Variants in GRIK4 observed in about 807,000 individuals in gnomAD.
GRIK4 encodes the protein glutamate ionotropic receptor kainate type subunit 4, also known as glutamate receptor ionotropic, kainate 4.
GRIK4 carries 40 observed loss-of-function variants against 104.9 expected under a neutral mutation model. That is an observed-to-expected ratio of 0.38 (90% CI 0.30 to 0.50). The LOEUF is 0.50. GRIK4 is among the 20% of genes least tolerant of loss of function. GRIK4 has a pLI of 0.93. For synonymous variants in GRIK4, 485 were observed against 524.9 expected (o/e 0.92, Z 1.04); for missense variants, 1,047 against 1,308.1 (o/e 0.80, Z 3.08).
At chr11:120,522,773 A>T (rs1162238615) in intron 1 of GRIK4, among the ~76,000 whole-genome samples, 1 of 152,198 alleles carries the variant, frequency 6.6e-6, no homozygotes, top group Non-Finnish European at 1.5e-5. Flanking sequence ...CTGGCCAGGA[A>T]GACAACAGCC....
At chr11:120,983,527 C>T (rs1944687375) in intron 20 of GRIK4, among the ~76,000 whole-genome samples, 1 of 152,228 alleles carries the variant, frequency 6.6e-6, no homozygotes, top group African/African-American at 2.4e-5. Flanking sequence ...AATCCCTCTT[C>T]CCTTGCCTTG....
In GRIK4 at chr11:120,639,527, G is replaced by A. The variant is rs144775576; in HGVS notation, c.-158-14158G>A. Among the ~76,000 whole-genome samples, 114 of 152,218 alleles carry A rather than the reference G, an allele frequency of 7.5e-4. 1 individual carries two copies. In the East Asian group the frequency reaches 0.012, roughly 16 times the overall value. On this transcript the variant is annotated intron_variant, in intron 1 of 20. Transcript: ENST00000527524. ...TCTCGCAGTCTCTCCTCTTGGGGTC[G>A]GCCCCTGTCTCAGTAAGTGACTCCA...
At chr11:120,602,741 C>T (rs139831408) in intron 1 of GRIK4, among the ~76,000 whole-genome samples, 2,311 of 152,280 alleles carry the variant, frequency 0.015, 28 homozygotes, top group Middle Eastern at 0.037. Flanking sequence ...CTCGCTCTGT[C>T]GTCCAGGCTG....
At chr11:120,667,806 G>A (rs1009366917) in intron 3 of GRIK4, among the ~76,000 whole-genome samples, 1 of 152,232 alleles carries the variant, frequency 6.6e-6, no homozygotes, top group Non-Finnish European at 1.5e-5. Context: ...GCACGCAGTG[G>A]CAAACACAGT....
At chr11:120,836,439 A>G (rs1953576957) in intron 7 of GRIK4, among the ~76,000 whole-genome samples, 1 of 152,136 alleles carries the variant, frequency 6.6e-6, no homozygotes, top group African/African-American at 2.4e-5. Flanking sequence ...GGAGATCATT[A>G]TTGTAGTCTT....
intron 9 of GRIK4, chr11:120,873,378 G>A (rs1954667728): frequency 6.6e-6 from 1 of 152,274 alleles, no homozygotes; most frequent in African/African-American, 2.4e-5. Flanking sequence ...CCAACCAGAT[G>A]TTTCCCTCTT....
Position 120,967,211 on chromosome 11 carries a change from C to G in GRIK4, c.2283C>G (p.Asp761Glu). ...CCCCCGCAGGCTCGGTTTTCCGGGA[C>G]GAGTTTGATCTGGCCATTCTCCAGC... ...IGMPVGSVFR[D>E]EFDLAILQLQ... Residue 761 changes from aspartate to glutamate, a missense_variant, in exon 19 of 21, where the codon GAC (aspartate) becomes GAG (glutamate). Asp to Glu is a conservative substitution (Grantham distance 45, BLOSUM62 2). Around this residue, in one of 3 missense-constraint regions of GRIK4, gnomAD observed 440 missense variants for 652.3 expected, o/e 0.67. Coordinates refer to ENST00000527524, the MANE Select transcript of GRIK4 (RefSeq NM_014619.5). This position sits in a 1 kb window ranked among gnomAD's most constrained non-coding sequence, Gnocchi z 4.2. 3 of 1,613,190 alleles carry G rather than the reference C, an allele frequency of 1.9e-6. No individual in the cohort carries two copies. The highest frequency in any genetic ancestry group is 2.5e-6 in the Non-Finnish European group (3 of 1,179,528).
intron 1 of GRIK4, among the ~76,000 whole-genome samples, chr11:120,516,171 T>TG (rs1005185603): frequency 6.6e-6 from 1 of 152,132 alleles, no homozygotes; most frequent in Non-Finnish European, 1.5e-5. Flanking sequence ...GTCCCCTGTT[T>TG]GGGGGGTGGG....
At chr11:120,767,850 T>C (rs1951866691) in intron 3 of GRIK4, among the ~76,000 whole-genome samples, 1 of 152,210 alleles carries the variant, frequency 6.6e-6, no homozygotes, top group Non-Finnish European at 1.5e-5. Context: ...AAAAATCAGT[T>C]GACTGTTTAT....
intron 11 of GRIK4, among the ~76,000 whole-genome samples, chr11:120,882,173 C>A (rs1218742645): frequency 1.3e-5 from 2 of 151,984 alleles, no homozygotes; most frequent in East Asian, 1.9e-4. Flanking sequence ...ATGAGCTGAC[C>A]CCATCATAGC....
intron 1 of GRIK4, among the ~76,000 whole-genome samples, chr11:120,553,770 G>C (rs1948161846): frequency 6.6e-6 from 1 of 152,176 alleles, no homozygotes; most frequent in South Asian, 2.1e-4. Context: ...GCTGGATGCA[G>C]AGCAAGCCCA....
In GRIK4 at chr11:120,911,929, C is replaced by G. The variant is rs1354004676; in HGVS notation, c.1476+6436C>G. 1.3e-5 allele frequency among the ~76,000 whole-genome samples: 2 copies of G among 151,182 alleles called. 1 individual carries two copies. Among genetic ancestry groups the G allele is most frequent in the South Asian group, 4.2e-4 (2 of 4,778 alleles). ...GAAAAATAGATAAGGTTTTAAAAAA[C>G]TAAAAATTATTTGTAATTCCACCAC... On this transcript the variant is annotated intron_variant, in intron 13 of 20. Coordinates refer to ENST00000527524, the MANE Select transcript of GRIK4 (RefSeq NM_014619.5).
At chr11:120,931,890 C>T (rs1156818602) in intron 13 of GRIK4, among the ~76,000 whole-genome samples, 1 of 152,182 alleles carries the variant, frequency 6.6e-6, no homozygotes, top group Non-Finnish European at 1.5e-5. Flanking sequence ...ACAGCATGCT[C>T]CTGGCCCTGT....
chr11:120,574,688 G>GTAGA (rs374863607), intron 1 of GRIK4, among the ~76,000 whole-genome samples: 70 of 152,310 alleles, frequency 4.6e-4, no homozygotes, highest in African/African-American at 1.6e-3. Context: ...CTGGTATGGA[G>GTAGA]TAGATGCTCA....
At chr11:120,917,247 CAAAAAAAAA>C (rs199620498) in intron 13 of GRIK4, among the ~76,000 whole-genome samples, 1 of 34,796 alleles carries the variant, frequency 2.9e-5, no homozygotes, top group Non-Finnish European at 5.2e-5. Context: ...AACTCCGTCT[CAAAAAAAAA>C]AAAAAAAAAA....
At chr11:120,658,961 G>T (rs1949766841) in intron 2 of GRIK4, among the ~76,000 whole-genome samples, 1 of 151,866 alleles carries the variant, frequency 6.6e-6, no homozygotes, top group Admixed American at 6.6e-5. Flanking sequence ...TGTTAGCCAG[G>T]ATGGTCTTGA....
chr11:120,725,491 A>G (rs946919783), intron 3 of GRIK4, among the ~76,000 whole-genome samples: 9 of 152,184 alleles, frequency 5.9e-5, no homozygotes, highest in African/African-American at 2.2e-4. Context: ...CTCCCTGACC[A>G]ACTAAAACTA....
chr11:120,875,253 G>T lies in GRIK4; in HGVS notation c.1164+10G>T. On this transcript the variant is annotated intron_variant, in intron 11 of 20. Coordinates refer to ENST00000527524, the MANE Select transcript of GRIK4 (RefSeq NM_014619.5). ...GAATGGTTTTCGGCAGGTAAGCCTA[G>T]CTGCACCGTGGTGATGGCAGGTCCT... The T allele has an allele frequency of 6.5e-7, 1 of 1,540,058 alleles. No homozygotes were observed. Among genetic ancestry groups the T allele is most frequent in the Non-Finnish European group, 9.0e-7 (1 of 1,112,596 alleles).
In GRIK4 at chr11:120,704,153, A is replaced by G. The variant is rs539761845; in HGVS notation, c.82+43753A>G. 7.9e-5 allele frequency among the ~76,000 whole-genome samples: 12 copies of G among 152,318 alleles called. No homozygotes were observed. In the South Asian group the frequency reaches 1.7e-3, roughly 21 times the overall value. On this transcript the variant is annotated intron_variant, in intron 3 of 20. Transcript: ENST00000527524. ...GGTCAAATGAGATAATAACCATAGA[A>G]GTTTTTGCACAGTGCCTGGCACATA...
Sources: allele counts gnomAD v4.1 joint callset (sites outside exome capture counted in the v4.1 genomes callset), GRCh38; gene constraint gnomAD v4.1.1; regional missense constraint gnomAD v4.1.1; non-coding constraint Gnocchi (gnomAD v3.1); transcripts MANE v1.5; gene names NCBI Gene and HGNC (gene_info 2026-07-23, HGNC 2026-07-21).